The following JADE1 variants were observed in gnomAD, a reference collection of about 807,000 sequenced individuals.
JADE1 encodes jade family PHD finger 1.
A neutral mutation model predicts 81.8 loss-of-function variants in JADE1; 14 were observed. The ratio of observed to expected loss-of-function variants is 0.17; its 90% confidence interval spans 0.11 to 0.27. JADE1 has a LOEUF of 0.27. Among genes scored for constraint, JADE1 ranks in the 10% least tolerant of loss-of-function variants. JADE1 has a pLI of 1.00. For missense variants in JADE1, 690 were observed against 1,047.9 expected (o/e 0.66, Z 4.71); for synonymous variants, 353 against 391.9 (o/e 0.90, Z 1.17).
At chr4:128,841,751 C>T (rs1387268549) in intron 2 of JADE1, among the ~76,000 whole-genome samples, 1 of 151,922 alleles carries the variant, frequency 6.6e-6, no homozygotes, top group Admixed American at 6.6e-5. Context: ...GGGTGAGCAC[C>T]CCCGGGGAGA....
chr4:128,869,918 T>C (rs1732064311), intron 10 of JADE1, among the ~76,000 whole-genome samples: 1 of 152,158 alleles, frequency 6.6e-6, no homozygotes, highest in South Asian at 2.1e-4. Flanking sequence ...CTGCCTGAAG[T>C]AGAGCAGATG....
At chr4:128,831,405 T>C (rs944797659) in intron 1 of JADE1, 1 of 310,148 alleles carries the variant, frequency 3.2e-6, no homozygotes, top group African/African-American at 2.2e-5. Context: ...TGCTGTGGAT[T>C]TTTTTCTGCA....
At chr4:128,862,428 CTTCT>C in intron 9 of JADE1, 1 of 1,389,664 alleles carries the variant, frequency 7.2e-7, no homozygotes, top group Non-Finnish European at 9.3e-7. Context: ...GAGTGGGGAG[CTTCT>C]TTGTGGTTTT....
Position 128,848,977 on chromosome 4 carries a change from C to T in JADE1, c.297-3C>T, listed in dbSNP as rs1428873293. 1 of 1,612,994 alleles carries T rather than the reference C, an allele frequency of 6.2e-7. No individual in the cohort carries two copies. The highest frequency in any genetic ancestry group is 1.3e-5 in the African/African-American group (1 of 74,758). On this transcript the variant is annotated splice_region_variant and splice_polypyrimidine_tract_variant and intron_variant, in intron 4 of 10. Transcript: ENST00000226319. ...CTGGCTGCCTTGTTTTTTTATTATC[C>T]AGGGTTGTGTCTGAAGAGAAATCCC...
chr4:128,815,667 G>A (rs567817664), intron 1 of JADE1, among the ~76,000 whole-genome samples: 99 of 152,274 alleles, frequency 6.5e-4, no homozygotes, highest in African/African-American at 2.2e-3. Context: ...TCTCTTTAGG[G>A]TTTGGTCAGA....
rs757153915 is a variant in JADE1, at chr4:128,872,080, C to T, written c.2347C>T (p.Arg783Ter). Residue 783 changes from arginine (R) to a stop codon, truncating the protein, a stop_gained, in exon 11 of 11, where the codon CGA (arginine) becomes TGA (stop). Transcript: ENST00000226319. LOFTEE classifies it high-confidence loss of function. Reference protein sequence around the residue: ...HSDYPYLGLGRVPAKERAKSK... With the variant: ...HSDYPYLGLG ...AGACTACCCATATTTGGGCTTAGGC[C>T]GAGTTCCAGCCAAGGAAAGGGCAAA... 1 of 1,614,028 alleles carries T rather than the reference C, an allele frequency of 6.2e-7. No individual in the cohort carries two copies. The highest frequency in any genetic ancestry group is 8.5e-7 in the Non-Finnish European group (1 of 1,180,010).
chr4:128,821,254 C>T (rs543809903), intron 1 of JADE1, among the ~76,000 whole-genome samples: 11 of 152,058 alleles, frequency 7.2e-5, no homozygotes, highest in Admixed American at 2.6e-4. Context: ...AACTGAGACG[C>T]GGAATAAGAC....
intron 1 of JADE1, among the ~76,000 whole-genome samples, chr4:128,819,019 TG>T (rs1252607913): frequency 6.6e-6 from 1 of 152,098 alleles, no homozygotes; most frequent in African/African-American, 2.4e-5. Flanking sequence ...TTTGTAGAGA[TG>T]GGGTTTGCTA....
At chr4:128,852,015 A>G (rs1730398569) in intron 5 of JADE1, 42 bp from the exon 6 acceptor site, 1 of 1,227,590 alleles carries the variant, frequency 8.1e-7, no homozygotes, top group Admixed American at 1.7e-5. Context: ...ATTTATTAAT[A>G]TGGATTTATT....
chr4:128,846,675 T>G lies in JADE1; in HGVS notation c.296+143T>G. On this transcript the variant is annotated intron_variant, in intron 4 of 10. Transcript: ENST00000226319. The surrounding 1 kb of genome is among the most constrained non-coding windows in gnomAD (Gnocchi z 4.0). ...AATATCATGAGGCCTCAAGTGGAAA[T>G]AGAAATTCAGGAGCAACATACTTCA... 1 of 862,908 alleles carries G rather than the reference T, an allele frequency of 1.2e-6. No homozygotes were observed. Among genetic ancestry groups the G allele is most frequent in the Non-Finnish European group, 1.7e-6 (1 of 574,992 alleles). 53.5% of individuals were successfully genotyped at this position (862,908 alleles called of 1,614,324 possible).
At chr4:128,826,607 T>C (rs976666185) in intron 1 of JADE1, among the ~76,000 whole-genome samples, 6 of 150,722 alleles carry the variant, frequency 4.0e-5, no homozygotes, top group East Asian at 2.0e-4. Context: ...AGGCTTCACA[T>C]AGTGGCTCCT....
At position 128,871,329 on chromosome 4, in the gene JADE1, C is replaced by A. The variant is rs748977539; in HGVS notation, c.1622-26C>A. 17 of 1,581,512 alleles carry A rather than the reference C, an allele frequency of 1.1e-5. No individual in the cohort carries two copies. The highest frequency in any genetic ancestry group is 3.4e-4 in the Middle Eastern group (2 of 5,870). On this transcript the variant is annotated intron_variant, in intron 10 of 10. Coordinates refer to ENST00000226319, the MANE Select transcript of JADE1 (RefSeq NM_199320.4). The surrounding 1 kb of genome is among the most constrained non-coding windows in gnomAD (Gnocchi z 4.1). ...TGGATTTGCTTCTGCTGTAATTTTT[C>A]TTTATTTGTGGTTTTATGTTTATAG...
At chr4:128,860,394 G>A (rs990240556) in intron 8 of JADE1, among the ~76,000 whole-genome samples, 3 of 152,210 alleles carry the variant, frequency 2.0e-5, no homozygotes, top group Non-Finnish European at 2.9e-5. Flanking sequence ...AGAAAGCCTG[G>A]TTGGCAGTGA....
chr4:128,859,530 TG>T (rs1731132146), intron 8 of JADE1, among the ~76,000 whole-genome samples: 1 of 150,430 alleles, frequency 6.6e-6, no homozygotes, highest in African/African-American at 2.4e-5. Flanking sequence ...TGCTTGTGTA[TG>T]TGTGTATGCA....
chr4:128,820,143 GC>G (rs1370993313), intron 1 of JADE1, among the ~76,000 whole-genome samples: 12 of 150,748 alleles, frequency 8.0e-5, no homozygotes, highest in Non-Finnish European at 1.6e-4. Context: ...ATGGAGTCTT[GC>G]TTTGTCACCC....
chr4:128,861,927 G>T lies in JADE1; in HGVS notation c.1205G>T (p.Ser402Ile). ...CGGAATCCGCTGGAGCCCTTTGCCA[G>T]CCTTGAGCAGAACCGGGAGGAGGCC... ...SPRNPLEPFASLEQNREEAHR... is the reference protein window; with the variant it reads ...SPRNPLEPFAILEQNREEAHR... Residue 402 changes from serine to isoleucine, a missense_variant, in exon 9 of 11, where the codon AGC becomes ATC. This residue lies in a region of JADE1 where 77 missense variants were observed against 76.4 expected (regional missense o/e 1.01). Transcript: ENST00000226319. 1.9e-6 allele frequency: 3 copies of T among 1,614,118 alleles called. No homozygotes were observed. Among genetic ancestry groups the T allele is most frequent in the Non-Finnish European group, 2.5e-6 (3 of 1,179,954 alleles).
chr4:128,848,353 A>G (rs1730052239), intron 4 of JADE1, among the ~76,000 whole-genome samples: 1 of 151,926 alleles, frequency 6.6e-6, no homozygotes, highest in South Asian at 2.1e-4. Flanking sequence ...TAATTTCTGT[A>G]TTTTTAGTAG....
chr4:128,857,555 C>A, intron 8 of JADE1, 101 bp downstream of exon 8: 1 of 931,206 alleles, frequency 1.1e-6, no homozygotes. Context: ...GGAGAGGGGA[C>A]TAGAATCCAG....
chr4:128,849,200 C>T, intron 5 of JADE1, 33 bp downstream of exon 5: 2 of 1,547,926 alleles, frequency 1.3e-6, no homozygotes, highest in Non-Finnish European at 1.8e-6. Flanking sequence ...ATTTTATTAA[C>T]CAATGATGAA....
Sources: gnomAD v4.1 joint callset for allele counts (sites outside exome capture counted in the v4.1 genomes callset) on GRCh38, gnomAD v4.1.1 for gene constraint, gnomAD v4.1.1 regional missense constraint, Gnocchi (gnomAD v3.1) non-coding constraint, MANE v1.5 for transcripts, NCBI Gene and HGNC (gene_info 2026-07-23, HGNC 2026-07-21) for gene names.